Variants in KREMEN1 observed in about 807,000 individuals in gnomAD.
The protein encoded by KREMEN1 is kremen protein 1.
A neutral mutation model predicts 46.5 loss-of-function variants in KREMEN1; 30 were observed. That is an observed-to-expected ratio of 0.65 (90% CI 0.48 to 0.88). The LOEUF is 0.88. Ranked by LOEUF, KREMEN1 falls within the 40% of genes least tolerant of loss-of-function variation. KREMEN1 has a pLI of 0.00. For missense variants in KREMEN1, 533 were observed against 596.9 expected (o/e 0.89, Z 1.11); for synonymous variants, 214 against 230.6 (o/e 0.93, Z 0.65).
At chr22:29,154,538 G>T (rs1452675007) in intron 9 of KREMEN1, 1 of 152,262 alleles carries the variant, frequency 6.6e-6, no homozygotes, top group East Asian at 1.9e-4. Context: ...CCCAGCTCCC[G>T]CTGCGGCAGA....
At chr22:29,165,771 T>A (rs2039048091) in intron 9 of KREMEN1, among the ~76,000 whole-genome samples, 2 of 152,172 alleles carry the variant, frequency 1.3e-5, no homozygotes, top group South Asian at 4.1e-4. Flanking sequence ...CCGAACCCCA[T>A]TCAACGCTGG....
chr22:29,154,643 A>G, intron 9 of KREMEN1: 1 of 152,340 alleles, frequency 6.6e-6, no homozygotes, highest in African/African-American at 2.4e-5. Flanking sequence ...GTAAGACTGC[A>G]GATCTGCGGA....
chr22:29,108,449 T>A (rs902364746), intron 3 of KREMEN1, among the ~76,000 whole-genome samples: 3 of 152,190 alleles, frequency 2.0e-5, no homozygotes, highest in Non-Finnish European at 4.4e-5. Context: ...GCACAATGAC[T>A]CTCAGTTGTG....
At chr22:29,087,370 A>T (rs1314779663) in intron 1 of KREMEN1, among the ~76,000 whole-genome samples, 1 of 152,212 alleles carries the variant, frequency 6.6e-6, no homozygotes, top group Non-Finnish European at 1.5e-5. Context: ...GTAGAGATCT[A>T]ACTAGTAATT....
At chr22:29,138,833 G>GGTAGCGC in intron 7 of KREMEN1, 51 bp downstream of exon 7, 2 of 1,614,016 alleles carry the variant, frequency 1.2e-6, no homozygotes, top group South Asian at 2.2e-5. Flanking sequence ...CAGAGTTGAA[G>GGTAGCGC]GTAGCGCTCT....
At chr22:29,159,150 G>A (rs1453517452) in intron 9 of KREMEN1, among the ~76,000 whole-genome samples, 3 of 93,386 alleles carry the variant, frequency 3.2e-5, no homozygotes, top group Non-Finnish European at 6.2e-5. Context: ...TTTTTTTTTA[G>A]AGACAGGATC....
At chr22:29,095,682 A>G (rs561539066) in intron 2 of KREMEN1, among the ~76,000 whole-genome samples, 2 of 152,148 alleles carry the variant, frequency 1.3e-5, no homozygotes, top group African/African-American at 2.4e-5. Context: ...TATGGGCCAC[A>G]CTGTTTACCT....
chr22:29,115,926 G>A (rs1472177525), intron 3 of KREMEN1, among the ~76,000 whole-genome samples: 1 of 152,180 alleles, frequency 6.6e-6, no homozygotes, highest in Non-Finnish European at 1.5e-5. Context: ...GGGTAGACAG[G>A]TCATGGTGGT....
chr22:29,162,090 C>T (rs1331249784), intron 9 of KREMEN1, among the ~76,000 whole-genome samples: 3 of 150,716 alleles, frequency 2.0e-5, no homozygotes, highest in Admixed American at 6.6e-5. Context: ...GCACTCTAGC[C>T]TGAATAACAG....
At chr22:29,108,244 G>A (rs1206123909) in intron 3 of KREMEN1, among the ~76,000 whole-genome samples, 5 of 152,222 alleles carry the variant, frequency 3.3e-5, no homozygotes, top group African/African-American at 7.2e-5. Context: ...CCTAGATTGC[G>A]CCATTGCACT....
downstream of KREMEN1, among the ~76,000 whole-genome samples, chr22:29,149,946 A>G (rs1446554837): frequency 1.3e-5 from 2 of 152,206 alleles, no homozygotes; most frequent in African/African-American, 2.4e-5. Flanking sequence ...TGGAAGTCAC[A>G]TGACCATCTT....
chr22:29,081,762 T>C (rs1221264761), intron 1 of KREMEN1, among the ~76,000 whole-genome samples: 1 of 152,182 alleles, frequency 6.6e-6, no homozygotes, highest in Non-Finnish European at 1.5e-5. Context: ...AACAAGTACT[T>C]ATCAAATTCC....
chr22:29,086,381 GGTT>G (rs1227554426), intron 1 of KREMEN1, among the ~76,000 whole-genome samples: 1 of 152,102 alleles, frequency 6.6e-6, no homozygotes, highest in African/African-American at 2.4e-5. Context: ...GTGTGTACAG[GGTT>G]GTTGTTTTTT....
chr22:29,154,274 C>T (rs2038942480), intron 9 of KREMEN1: 1 of 152,194 alleles, frequency 6.6e-6, no homozygotes, highest in African/African-American at 2.4e-5. Context: ...TAGCTGGTTT[C>T]CCCCAGGACC....
intron 3 of KREMEN1, among the ~76,000 whole-genome samples, chr22:29,117,562 G>A (rs554929124): frequency 1.9e-4 from 25 of 128,914 alleles, no homozygotes; most frequent in African/African-American, 4.8e-4. Context: ...GCAAGACTCC[G>A]TCTCCAAAAA....
chr22:29,081,624 A>G (rs2145739073), intron 1 of KREMEN1, among the ~76,000 whole-genome samples: 1 of 152,308 alleles, frequency 6.6e-6, no homozygotes, highest in Non-Finnish European at 1.5e-5. Flanking sequence ...CCAAGTGACC[A>G]GAGATGATGG....
At chr22:29,133,374 A>C (rs970787549) in intron 5 of KREMEN1, among the ~76,000 whole-genome samples, 2 of 150,632 alleles carry the variant, frequency 1.3e-5, no homozygotes, top group Non-Finnish European at 1.5e-5. Flanking sequence ...GTCATGGCCC[A>C]CTGCAGCCTC....
intron 1 of KREMEN1, among the ~76,000 whole-genome samples, chr22:29,086,507 C>T (rs1245326979): frequency 6.6e-6 from 1 of 152,196 alleles, no homozygotes; most frequent in Non-Finnish European, 1.5e-5. Context: ...CTATCACAGC[C>T]TCAGTGGTGT....
intron 3 of KREMEN1, among the ~76,000 whole-genome samples, chr22:29,106,804 TTC>T (rs2038067763): frequency 6.6e-6 from 1 of 152,232 alleles, no homozygotes; most frequent in Non-Finnish European, 1.5e-5. Context: ...AAGTTTGAAA[TTC>T]TGATAGTATG....
Sources: allele counts gnomAD v4.1 joint callset (sites outside exome capture counted in the v4.1 genomes callset), GRCh38; gene constraint gnomAD v4.1.1; transcripts MANE v1.5; gene names NCBI Gene and HGNC (gene_info 2026-07-23, HGNC 2026-07-21).